CNTN3: variants seen among roughly 807,000 people sequenced by gnomAD.
CNTN3 encodes contactin 3.
CNTN3 carries 60 observed loss-of-function variants against 119.1 expected under a neutral mutation model. The observed-to-expected ratio is 0.50, with a 90% CI of 0.41 to 0.62. The LOEUF (loss-of-function observed/expected upper bound fraction) is 0.62. CNTN3 is among the 20% of genes least tolerant of loss of function. The probability of loss-of-function intolerance (pLI) is 0.00; values close to 1 mark genes in which losing one functional copy is unlikely to be tolerated. For synonymous variants in CNTN3, 450 were observed against 438.7 expected (o/e 1.03, Z -0.32); for missense variants, 1,101 against 1,242.4 (o/e 0.89, Z 1.71).
chr3:74,512,296 T>C (rs543075474), intron 2 of CNTN3, among the ~76,000 whole-genome samples: 8 of 152,240 alleles, frequency 5.3e-5, no homozygotes, highest in African/African-American at 1.9e-4. Flanking sequence ...GTTATCTTCA[T>C]GGTAGTTGTG....
At chr3:74,346,442 C>T (rs1703689958) in intron 11 of CNTN3, among the ~76,000 whole-genome samples, 1 of 152,012 alleles carries the variant, frequency 6.6e-6, no homozygotes, top group African/African-American at 2.4e-5. Context: ...ATACTCTCAT[C>T]TTCCCATAAA....
chr3:74,368,988 TTA>T (rs948151007), intron 8 of CNTN3, among the ~76,000 whole-genome samples, 199 bp downstream of exon 8: 15 of 152,244 alleles, frequency 9.9e-5, no homozygotes, highest in South Asian at 4.1e-4. Context: ...AATGAATATA[TTA>T]TGTCGCCAAC....
chr3:74,489,600 C>T (rs567594839), intron 3 of CNTN3, among the ~76,000 whole-genome samples: 55 of 151,400 alleles, frequency 3.6e-4, no homozygotes, highest in African/African-American at 1.3e-3. Context: ...GATTTTTTCC[C>T]CTAGTTTCCT....
chr3:74,515,356 A>G (rs1369422375), intron 2 of CNTN3, among the ~76,000 whole-genome samples: 1 of 152,036 alleles, frequency 6.6e-6, no homozygotes, highest in Non-Finnish European at 1.5e-5. Context: ...CTTCAAGACA[A>G]TGACTGGCAA....
chr3:74,319,672 C>T (rs854705), intron 13 of CNTN3, among the ~76,000 whole-genome samples: 43,320 of 150,458 alleles, frequency 0.29, 6,901 homozygotes, highest in East Asian at 0.68. Flanking sequence ...AAATGGGATC[C>T]AATTAAACTA....
In CNTN3 at chr3:74,361,902, T is replaced by C. The variant is rs1704081207; in HGVS notation, c.1352A>G (p.Gln451Arg). 6.2e-7 allele frequency: 1 copy of C among 1,612,766 alleles called. No individual in the cohort carries two copies. Among genetic ancestry groups the C allele is most frequent in the Admixed American group, 1.7e-5 (1 of 59,838 alleles). ...GACATCAAAATACCTTTCATGCTCC[T>C]GCACGCTCACATCCCCCTTCTTCCA... is the stretch of plus-strand genomic sequence containing the variant. ...SSWKKGDVSV[Q>R]EHERISLLND... The change falls in exon 11 of 23, where the codon CAG becomes CGG. Residue 451 changes from glutamine to arginine, a missense_variant. Gln to Arg is a conservative substitution (Grantham distance 43). Coordinates refer to ENST00000263665, the MANE Select transcript of CNTN3 (RefSeq NM_020872.3).
At chr3:74,540,448 T>A (rs1029695271) in intron 1 of CNTN3, among the ~76,000 whole-genome samples, 7 of 152,118 alleles carry the variant, frequency 4.6e-5, no homozygotes, top group African/African-American at 1.7e-4. Context: ...TTTATGTATA[T>A]CCTGTTCCTC....
At chr3:74,448,719 CA>C (rs1702092565) in intron 4 of CNTN3, among the ~76,000 whole-genome samples, 1 of 152,080 alleles carries the variant, frequency 6.6e-6, no homozygotes, top group East Asian at 1.9e-4. Context: ...AGTATCAGCT[CA>C]AACAAAAAGG....
At chr3:74,375,912 T>C (rs1324066068) in intron 5 of CNTN3, among the ~76,000 whole-genome samples, 1 of 151,960 alleles carries the variant, frequency 6.6e-6, no homozygotes, top group African/African-American at 2.4e-5. Flanking sequence ...ATGGCAAAGG[T>C]GATTAAGTTA....
chr3:74,316,925 C>T (rs1055332884), intron 13 of CNTN3, among the ~76,000 whole-genome samples: 10 of 129,088 alleles, frequency 7.7e-5, no homozygotes, highest in African/African-American at 2.7e-4. Context: ...GAGACTCCAT[C>T]TCAAAAAAAA....
intron 13 of CNTN3, among the ~76,000 whole-genome samples, chr3:74,312,455 CAAAAAAAAAAAAAAA>C (rs745514119): frequency 3.6e-5 from 1 of 27,808 alleles, no homozygotes; most frequent in Non-Finnish European, 7.0e-5. Flanking sequence ...GACTCCATCT[CAAAAAAAAAAAAAAA>C]AAAAAAAAAA....
At chr3:74,582,827 C>G (rs920369041) in intron 1 of CNTN3, among the ~76,000 whole-genome samples, 6 of 145,894 alleles carry the variant, frequency 4.1e-5, no homozygotes, top group Non-Finnish European at 8.9e-5. Flanking sequence ...CCCTACGACA[C>G]AGAATTTCTA....
intron 4 of CNTN3, among the ~76,000 whole-genome samples, chr3:74,476,036 C>T (rs6549601): frequency 0.72 from 108,713 of 152,028 alleles, 39,353 homozygotes; most frequent in African/African-American, 0.82. Context: ...CTAGTGTTTC[C>T]ATGTGAAAGA....
intron 4 of CNTN3, among the ~76,000 whole-genome samples, chr3:74,427,114 T>C (rs948587597): frequency 1.3e-5 from 2 of 152,240 alleles, no homozygotes; most frequent in Admixed American, 6.5e-5. Flanking sequence ...GAGACAAGCA[T>C]GGCTACTCTT....
Position 74,263,264 on chromosome 3 carries a change from T to C in CNTN3, c.*1137A>G, listed in dbSNP as rs1168835133. ...AAAGTCAGCAGCATTGCCTTGGTTC[T>C]ATTACAAATTTAACTCAGGAACTAA... On this transcript the variant is annotated 3_prime_UTR_variant, in exon 23 of 23. Transcript: ENST00000263665. The C allele has an allele frequency of 1.3e-5, 2 of 152,154 alleles. No homozygotes were observed. Among genetic ancestry groups the C allele is most frequent in the African/African-American group, 4.8e-5 (2 of 41,450 alleles). The allele number at this position is 152,154 out of a possible 1,614,324, so 9.4% of individuals were successfully genotyped here.
intron 5 of CNTN3, among the ~76,000 whole-genome samples, chr3:74,421,588 A>G (rs926928186): frequency 2.0e-5 from 3 of 152,244 alleles, no homozygotes; most frequent in Admixed American, 6.5e-5. Flanking sequence ...AAAATAACAA[A>G]TTTAAACATT....
chr3:74,340,526 G>A (rs1399411513), intron 11 of CNTN3, among the ~76,000 whole-genome samples: 1 of 151,986 alleles, frequency 6.6e-6, no homozygotes, highest in Admixed American at 6.6e-5. Flanking sequence ...AAATTTTGGG[G>A]CCATGACACC....
intron 13 of CNTN3, among the ~76,000 whole-genome samples, chr3:74,316,067 G>T (rs1367520351): frequency 6.6e-6 from 1 of 152,098 alleles, no homozygotes; most frequent in Admixed American, 6.6e-5. Context: ...CTTACAGAAT[G>T]GGAGAAAATA....
At chr3:74,362,317 A>ATTT (rs1704090903) in intron 10 of CNTN3, among the ~76,000 whole-genome samples, 1 of 152,214 alleles carries the variant, frequency 6.6e-6, no homozygotes, top group African/African-American at 2.4e-5. Flanking sequence ...AAAGGAAAAC[A>ATTT]TTTGGTATAG....
Sources: allele counts gnomAD v4.1 joint callset (sites outside exome capture counted in the v4.1 genomes callset), GRCh38; gene constraint gnomAD v4.1.1; transcripts MANE v1.5; gene names NCBI Gene and HGNC (gene_info 2026-07-23, HGNC 2026-07-21).